Variants in ZSCAN9 observed in about 807,000 individuals in gnomAD.
ZSCAN9 encodes zinc finger and SCAN domain containing 9.
In ZSCAN9, 19 loss-of-function variants were observed where a neutral mutation model predicts 23.0. The observed-to-expected ratio is 0.83, with a 90% CI of 0.58 to 1.21. The LOEUF (loss-of-function observed/expected upper bound fraction) is 1.21, where lower values mean the gene tolerates loss of function less well. Ranked by LOEUF, ZSCAN9 falls within the 50% of genes most tolerant of loss-of-function variation. The pLI is 0.00. For synonymous variants in ZSCAN9, 155 were observed against 164.8 expected, an observed-to-expected ratio of 0.94 and a Z score of 0.46; for missense variants, 467 against 471.5, an observed-to-expected ratio of 0.99 and a Z score of 0.09.
chr6:28,231,944 C>T (rs766833650), intron 3 of ZSCAN9, among the ~76,000 whole-genome samples: 1 of 152,162 alleles, frequency 6.6e-6, no homozygotes, highest in Admixed American at 6.5e-5. Flanking sequence ...GAAAGGGTCA[C>T]TTTGAGGTTA....
intron 3 of ZSCAN9, chr6:28,228,309 C>T (rs1339636622): frequency 2.2e-6 from 1 of 464,034 alleles, no homozygotes; most frequent in Non-Finnish European, 3.8e-6. Flanking sequence ...AATTTATTTT[C>T]TCACATTTTC....
chr6:28,227,808 C>T lies in ZSCAN9; in HGVS notation c.539C>T (p.Ala180Val). The T allele has an allele frequency of 6.2e-7, 1 of 1,613,652 alleles. No individual in the cohort carries two copies. The highest frequency in any genetic ancestry group is 8.5e-7 in the Non-Finnish European group (1 of 1,179,892). ...GAGCCACAGCTCACATGTGACTCTG[C>T]TCAGAAGTGCCATTCTATTGGAGAG... ...PKEPQLTCDS[A>V]QKCHSIGETD... The change falls in exon 3 of 4, where the codon GCT becomes GTT. Residue 180 changes from alanine to valine, a missense_variant. By Grantham distance (64) the Ala-to-Val change is moderately conservative. Transcript: ENST00000252207.
At chr6:28,229,475 C>T (rs1265748274) in intron 3 of ZSCAN9, among the ~76,000 whole-genome samples, 1 of 152,138 alleles carries the variant, frequency 6.6e-6, no homozygotes, top group Non-Finnish European at 1.5e-5. Context: ...TATTAAGCAT[C>T]TACTATGGCT....
At position 28,233,366 on chromosome 6, in the gene ZSCAN9, C is replaced by G. The variant is rs571866982; in HGVS notation, c.*188C>G. ...ACTGTTTTCTCTTTTGTTCATTTTA[C>G]CTCTTTCTTACTCTTACTAGCTGTG... On this transcript the variant is annotated 3_prime_UTR_variant, in exon 4 of 4. Coordinates refer to ENST00000252207, the MANE Select transcript of ZSCAN9 (RefSeq NM_006299.5). 6.0e-6 allele frequency: 6 copies of G among 993,022 alleles called. No individual in the cohort carries two copies. The highest frequency in any genetic ancestry group is 8.4e-6 in the Non-Finnish European group (6 of 712,698). 61.5% of individuals were successfully genotyped at this position (993,022 alleles called of 1,614,324 possible). A position where few individuals can be genotyped will look rare whatever the true frequency, so the allele number is the denominator to read the frequency against.
At chr6:28,231,577 T>TAAATATA (rs1760301864) in intron 3 of ZSCAN9, among the ~76,000 whole-genome samples, 1 of 152,160 alleles carries the variant, frequency 6.6e-6, no homozygotes, top group Admixed American at 6.5e-5. Context: ...AAATCTCATC[T>TAAATATA]CTACTAAAAA....
chr6:28,227,740 T>C lies in ZSCAN9; in HGVS notation c.471T>C (p.Pro157=). ...RQEVLCKEMV[P]LAEQTPLTLQ... Reference sequence around the variant, plus strand: ...AAGTCCTCTGTAAAGAGATGGTGCCTCTAGCAGAGCAGACACCACTGACCC... The same window carrying C: ...AAGTCCTCTGTAAAGAGATGGTGCCCCTAGCAGAGCAGACACCACTGACCC... Residue 157 remains proline (P), a synonymous_variant, in exon 3 of 4, where the codon CCT becomes CCC. Transcript: ENST00000252207. 1 of 1,612,146 alleles carries C rather than the reference T, an allele frequency of 6.2e-7. No homozygotes were observed. The highest frequency in any genetic ancestry group is 8.5e-7 in the Non-Finnish European group (1 of 1,179,528).
rs1760383762 is a variant in ZSCAN9 at position 28,233,430 on chromosome 6, C to G, written c.*252C>G. Reference sequence around the variant, plus strand: ...TAATTTATTTATTTTTTTGAGATGGCTGCTAAACCCTTCTAATAATATAAT... The same window carrying G: ...TAATTTATTTATTTTTTTGAGATGGGTGCTAAACCCTTCTAATAATATAAT... On this transcript the variant is annotated 3_prime_UTR_variant, in exon 4 of 4. Transcript: ENST00000252207. 2.3e-6 allele frequency: 1 copy of G among 429,114 alleles called. No homozygotes were observed. The highest frequency in any genetic ancestry group is 2.0e-5 in the African/African-American group (1 of 48,868). The allele number at this position is 429,114 out of a possible 1,614,324, so 26.6% of individuals were successfully genotyped here. A position where few individuals can be genotyped will look rare whatever the true frequency, so the allele number is the denominator to read the frequency against.
At position 28,233,339 on chromosome 6, in the gene ZSCAN9, C is replaced by G. The variant is rs1760379778; in HGVS notation, c.*161C>G. On this transcript the variant is annotated 3_prime_UTR_variant, in exon 4 of 4. Transcript: ENST00000252207. ...TTAAAGGAAAGTTGGGTGTTTGAAG[C>G]TACTGTTTTCTCTTTTGTTCATTTT... is the stretch of plus-strand genomic sequence containing the variant. 1 of 1,276,534 alleles carries G rather than the reference C, an allele frequency of 7.8e-7. No individual in the cohort carries two copies. The highest frequency in any genetic ancestry group is 1.0e-6 in the Non-Finnish European group (1 of 958,242). The allele number at this position is 1,276,534 out of a possible 1,614,324, so 79.1% of individuals were successfully genotyped here.
At chr6:28,231,455 G>A (rs1249332170) in intron 3 of ZSCAN9, among the ~76,000 whole-genome samples, 1 of 151,882 alleles carries the variant, frequency 6.6e-6, no homozygotes, top group African/African-American at 2.4e-5. Context: ...TAAAACTTAA[G>A]AATTGTTTGT....
Position 28,232,817 on chromosome 6 carries a change from T to A in ZSCAN9, c.824T>A (p.Ile275Asn). 1 of 1,614,174 alleles carries A rather than the reference T, an allele frequency of 6.2e-7. No individual in the cohort carries two copies. The highest frequency in any genetic ancestry group is 8.5e-7 in the Non-Finnish European group (1 of 1,180,032). ...TCAGGTCTCATTCGACATCAAAGAATTCATACTGGAGAAAGACCTTATGAA... is the reference window on the plus strand; with the variant it reads ...TCAGGTCTCATTCGACATCAAAGAAATCATACTGGAGAAAGACCTTATGAA... ...QSSGLIRHQRIHTGERPYECN... is the reference protein window; with the variant it reads ...QSSGLIRHQRNHTGERPYECN... Residue 275 changes from isoleucine to asparagine, a missense_variant, in exon 4 of 4, where the codon ATT (isoleucine) becomes AAT (asparagine). By Grantham distance (149) the Ile-to-Asn change is moderately radical. Transcript: ENST00000252207.
intron 1 of ZSCAN9, among the ~76,000 whole-genome samples, chr6:28,226,253 G>A (rs979404031): frequency 6.6e-6 from 1 of 152,182 alleles, no homozygotes; most frequent in African/African-American, 2.4e-5. Flanking sequence ...GCAGCAGGGC[G>A]GTGTGGAAAG....
At position 28,227,738 on chromosome 6, in the gene ZSCAN9, C is replaced by G. The variant is rs761531923; in HGVS notation, c.469C>G (p.Pro157Ala). 6.2e-7 allele frequency: 1 copy of G among 1,611,020 alleles called. No individual in the cohort carries two copies. The highest frequency in any genetic ancestry group is 1.7e-5 in the Admixed American group (1 of 58,768). Residue 157 changes from proline (P) to alanine (A), a missense_variant, in exon 3 of 4, where the codon CCT becomes GCT. Physicochemically the swap from Pro to Ala is conservative, Grantham distance 27 (BLOSUM62 -1). Transcript: ENST00000252207. ...AGAAGTCCTCTGTAAAGAGATGGTG[C>G]CTCTAGCAGAGCAGACACCACTGAC... ...RQEVLCKEMV[P>A]LAEQTPLTLQ...
At chr6:28,228,716 T>C (rs1319555694) in intron 3 of ZSCAN9, 1 of 154,450 alleles carries the variant, frequency 6.5e-6, no homozygotes, top group Non-Finnish European at 1.5e-5. Context: ...TTGTCACAAA[T>C]CACCAGTGCC....
chr6:28,232,642 T>C lies in ZSCAN9; in HGVS notation c.649T>C (p.Phe217Leu), dbSNP rs1760346476. 2.5e-6 allele frequency: 4 copies of C among 1,614,146 alleles called. No homozygotes were observed. Among genetic ancestry groups the C allele is most frequent in the Non-Finnish European group, 2.5e-6 (3 of 1,180,018 alleles). The change falls in exon 4 of 4, where the codon TTT becomes CTT. Residue 217 changes from phenylalanine to leucine, a missense_variant. Phe to Leu is a conservative substitution (Grantham distance 22, BLOSUM62 0). Coordinates refer to ENST00000252207, the MANE Select transcript of ZSCAN9 (RefSeq NM_006299.5). ...GATAGTGGAACCACATGGGAAAATG[T>C]TTAATGAGCAGACCTGGGAGGTATC... Reference protein sequence around the residue: ...PKIVEPHGKMFNEQTWEVSQQ... With the variant: ...PKIVEPHGKMLNEQTWEVSQQ...
intron 3 of ZSCAN9, among the ~76,000 whole-genome samples, chr6:28,229,448 A>G (rs955522797): frequency 3.3e-5 from 5 of 152,122 alleles, no homozygotes; most frequent in Non-Finnish European, 4.4e-5. Flanking sequence ...CTATCCATCT[A>G]TCATTCAACA....
intron 3 of ZSCAN9, chr6:28,228,121 A>C (rs913282268): frequency 1.5e-6 from 1 of 670,720 alleles, no homozygotes; most frequent in Non-Finnish European, 2.7e-6. Flanking sequence ...ATGGACTTCA[A>C]GGTTTGACAG....
At chr6:28,230,894 G>A (rs78526066) in intron 3 of ZSCAN9, among the ~76,000 whole-genome samples, 2,791 of 152,246 alleles carry the variant, frequency 0.018, 31 homozygotes, top group Admixed American at 0.032. Flanking sequence ...AAGCGAGAGA[G>A]TGGGCCTTGC....
At chr6:28,227,876 C>T in intron 3 of ZSCAN9, 39 bp downstream of exon 3, 1 of 1,610,722 alleles carries the variant, frequency 6.2e-7, no homozygotes, top group Non-Finnish European at 8.5e-7. Context: ...ACGAATCCCA[C>T]CTGGTCAAGC....
rs556999240 is a variant in ZSCAN9 at position 28,230,018 on chromosome 6, C to T, written c.568+2181C>T. Reference sequence around the variant, plus strand: ...GACTACAGGCACCCGCCACCATGCCCGGCTAATGTTTTGTATTTTTAATAG... The same window carrying T: ...GACTACAGGCACCCGCCACCATGCCTGGCTAATGTTTTGTATTTTTAATAG... On this transcript the variant is annotated intron_variant, in intron 3 of 3. Transcript: ENST00000252207. Among the ~76,000 whole-genome samples the T allele has an allele frequency of 6.6e-5, 10 of 152,170 alleles. No homozygotes were observed. In the South Asian group the frequency reaches 1.0e-3, roughly 16 times the overall value.
Sources: gnomAD v4.1 joint callset for allele counts (sites outside exome capture counted in the v4.1 genomes callset) on GRCh38, gnomAD v4.1.1 for gene constraint, MANE v1.5 for transcripts, NCBI Gene and HGNC (gene_info 2026-07-23, HGNC 2026-07-21) for gene names.